DGKD: variants seen among roughly 807,000 people sequenced by gnomAD.
DGKD encodes the protein DAG kinase delta.
DGKD carries 68 observed loss-of-function variants against 154.4 expected under a neutral mutation model. The ratio of observed to expected loss-of-function variants is 0.44; its 90% CI spans 0.36 to 0.54. The LOEUF (loss-of-function observed/expected upper bound fraction) is 0.54. DGKD is among the 20% of genes least tolerant of loss of function. The probability of loss-of-function intolerance (pLI) is 0.00; values close to 1 mark genes in which losing one functional copy is unlikely to be tolerated. For missense variants in DGKD, 1,343 were observed against 1,593.6 expected (o/e 0.84, Z 2.68); for synonymous variants, 693 against 638.0 (o/e 1.09, Z -1.30).
chr2:233,446,825 C>T lies in DGKD; in HGVS notation c.1419+29C>T, dbSNP rs755388693. On this transcript the variant is annotated intron_variant, in intron 12 of 29. Coordinates refer to ENST00000264057, the MANE Select transcript of DGKD (RefSeq NM_152879.3). ...TTGCTGGCCTGTTCTTCACACCCTG[C>T]TCGCATGCTGATGTGATCAGAACTG... is the stretch of plus-strand genomic sequence containing the variant. The T allele has an allele frequency of 5.6e-6, 9 of 1,611,786 alleles. No individual in the cohort carries two copies. The Admixed American group carries it at 6.7e-5, about 12-fold the overall frequency.
In DGKD at chr2:233,437,537, C is replaced by A; in HGVS notation, c.922+58C>A. 2.0e-6 allele frequency: 3 copies of A among 1,506,656 alleles called. No individual in the cohort carries two copies. In the South Asian group the frequency reaches 3.4e-5, roughly 17 times the overall value. 93.3% of individuals were successfully genotyped at this position (1,506,656 alleles called of 1,614,324 possible). ...ACGCCCACACGCTTCCTTCTCCACG[C>A]ACTTTCTCTTCTCCAGCTCTGGAGT... On this transcript the variant is annotated intron_variant, in intron 8 of 29. Coordinates refer to ENST00000264057, the MANE Select transcript of DGKD (RefSeq NM_152879.3).
At chr2:233,413,683 A>G (rs1027341224) in intron 3 of DGKD, among the ~76,000 whole-genome samples, 12 of 152,196 alleles carry the variant, frequency 7.9e-5, no homozygotes, top group African/African-American at 2.9e-4. Flanking sequence ...CCCCCCGTCC[A>G]CATGGGACCG....
intron 1 of DGKD, among the ~76,000 whole-genome samples, chr2:233,381,174 G>A (rs1288245557): frequency 6.6e-6 from 1 of 152,204 alleles, no homozygotes; most frequent in East Asian, 1.9e-4. Flanking sequence ...CCTGCTGGCC[G>A]TTGGTGTCAT....
chr2:233,358,065 G>T (rs1227158254), intron 1 of DGKD, among the ~76,000 whole-genome samples: 1 of 152,076 alleles, frequency 6.6e-6, no homozygotes, highest in Non-Finnish European at 1.5e-5. Context: ...TAATATGTTC[G>T]AGCTCTTTAG....
intron 1 of DGKD, among the ~76,000 whole-genome samples, chr2:233,386,968 T>G (rs1484767141): frequency 6.6e-6 from 1 of 152,152 alleles, no homozygotes; most frequent in East Asian, 1.9e-4. Context: ...GCCTGTGCTG[T>G]CCGGGTGTGG....
chr2:233,451,304 G>A (rs1205730216), intron 17 of DGKD, among the ~76,000 whole-genome samples: 1 of 151,778 alleles, frequency 6.6e-6, no homozygotes, highest in Non-Finnish European at 1.5e-5. Context: ...AGGAGGTGAT[G>A]CTCGAGTCGG....
chr2:233,408,372 A>T lies in DGKD; in HGVS notation c.348+17889A>T, dbSNP rs148401132. On this transcript the variant is annotated intron_variant, in intron 3 of 29. Coordinates refer to ENST00000264057, the MANE Select transcript of DGKD (RefSeq NM_152879.3). ...ATAATTGGCAAATGTCTCTGCATAA[A>T]AGACTCTTCCTAATTGCTGCAACTG... Among the ~76,000 whole-genome samples the T allele has an allele frequency of 3.7e-4, 56 of 152,340 alleles. No homozygotes were observed. In the East Asian group the frequency reaches 0.011, roughly 29 times the overall value.
intron 3 of DGKD, among the ~76,000 whole-genome samples, chr2:233,420,253 C>T (rs2062071544): frequency 1.3e-5 from 2 of 152,168 alleles, no homozygotes; most frequent in Admixed American, 6.5e-5. Context: ...GACCTGTTAA[C>T]CTTCCGTATG....
Position 233,354,697 on chromosome 2 carries a change from CG to C in DGKD, c.156+26del, listed in dbSNP as rs1436869110. ...AAGGTGAGCCCGCGGCGCGGCGGCC[CG>C]GGCGCGCGCCCCTCACGCCGCGGCA... On this transcript the variant is annotated intron_variant, in intron 1 of 29. Coordinates refer to ENST00000264057, the MANE Select transcript of DGKD (RefSeq NM_152879.3). The surrounding 1 kb of genome is among the most constrained non-coding windows in gnomAD (Gnocchi z 4.8). 7 of 982,276 alleles carry C rather than the reference CG, an allele frequency of 7.1e-6. No homozygotes were observed. The highest frequency in any genetic ancestry group is 8.4e-6 in the Non-Finnish European group (7 of 828,660). The allele number at this position is 982,276 out of a possible 1,614,324, so 60.8% of individuals were successfully genotyped here.
Position 233,445,864 on chromosome 2 carries a change from C to A in DGKD, c.1334+102C>A, listed in dbSNP as rs998980413. Reference sequence around the variant, plus strand: ...GGGGTCTGTGGAAAACATGGGCCCTCTGAAATTATTTGTAAAGATTTGACC... The same window carrying A: ...GGGGTCTGTGGAAAACATGGGCCCTATGAAATTATTTGTAAAGATTTGACC... On this transcript the variant is annotated intron_variant, in intron 11 of 29. Coordinates refer to ENST00000264057, the MANE Select transcript of DGKD (RefSeq NM_152879.3). The surrounding 1 kb of genome is among the most constrained non-coding windows in gnomAD (Gnocchi z 5.5). The A allele has an allele frequency of 1.5e-6, 2 of 1,353,128 alleles. No individual in the cohort carries two copies. The highest frequency in any genetic ancestry group is 9.8e-7 in the Non-Finnish European group (1 of 1,017,040). 83.8% of individuals were successfully genotyped at this position (1,353,128 alleles called of 1,614,324 possible). A position where few individuals can be genotyped will look rare whatever the true frequency, so the allele number is the denominator to read the frequency against.
intron 17 of DGKD, among the ~76,000 whole-genome samples, chr2:233,451,512 G>T (rs955772213): frequency 6.6e-6 from 1 of 151,862 alleles, no homozygotes; most frequent in African/African-American, 2.4e-5. Flanking sequence ...AACTCTCAGA[G>T]ATCATTTTGG....
chr2:233,451,749 G>A (rs914238335), intron 17 of DGKD, among the ~76,000 whole-genome samples: 2 of 152,062 alleles, frequency 1.3e-5, no homozygotes, highest in African/African-American at 4.8e-5. Flanking sequence ...TGTTTTGTAG[G>A]TGTTGGTTTC....
At chr2:233,451,901 C>G in intron 17 of DGKD, 63 bp from the exon 18 acceptor site, 1 of 1,369,596 alleles carries the variant, frequency 7.3e-7, no homozygotes, top group Non-Finnish European at 1.0e-6. Flanking sequence ...TTCAGAGACA[C>G]GAGCTTCTCC....
Sources: allele counts gnomAD v4.1 joint callset (sites outside exome capture counted in the v4.1 genomes callset), GRCh38; gene constraint gnomAD v4.1.1; non-coding constraint Gnocchi (gnomAD v3.1); transcripts MANE v1.5; gene names NCBI Gene and HGNC (gene_info 2026-07-23, HGNC 2026-07-21).